The following SGCZ variants were observed in gnomAD, a reference collection of about 807,000 sequenced individuals.
The protein encoded by SGCZ is zeta-sarcoglycan.
SGCZ carries 40 observed loss-of-function variants against 41.3 expected under a neutral mutation model. The ratio of observed to expected loss-of-function variants is 0.97; its 90% CI spans 0.75 to 1.26. The LOEUF (loss-of-function observed/expected upper bound fraction) is 1.26, where lower values mean the gene tolerates loss of function less well. Among genes scored for constraint, SGCZ ranks in the 50% most tolerant of loss-of-function variants. The pLI, the probability that SGCZ is intolerant of heterozygous loss-of-function variation, is 0.00. For missense variants in SGCZ, 552 were observed against 369.8 expected, an observed-to-expected ratio of 1.49 and a Z score of -4.04; for synonymous variants, 206 against 137.5, an observed-to-expected ratio of 1.50 and a Z score of -3.49.
At chr8:14,489,866 C>CATT (rs142314868) in intron 2 of SGCZ, among the ~76,000 whole-genome samples, 1 of 137,480 alleles carries the variant, frequency 7.3e-6, no homozygotes, top group Admixed American at 7.6e-5. Flanking sequence ...AATTCTCCTA[C>CATT]CTTTTTTTTT....
At chr8:14,798,669 A>G (rs1398036527) in intron 1 of SGCZ, among the ~76,000 whole-genome samples, 3 of 152,146 alleles carry the variant, frequency 2.0e-5, no homozygotes, top group South Asian at 2.1e-4. Flanking sequence ...TAAAATACTT[A>G]CATATTTTAA....
chr8:14,368,559 G>A (rs1462623350), intron 2 of SGCZ, among the ~76,000 whole-genome samples: 2 of 152,010 alleles, frequency 1.3e-5, no homozygotes, highest in Admixed American at 6.6e-5. Flanking sequence ...CTCTTGGAGG[G>A]ACGTTGTACA....
chr8:14,206,120 T>G (rs527765736), intron 4 of SGCZ, among the ~76,000 whole-genome samples: 2 of 152,244 alleles, frequency 1.3e-5, no homozygotes, highest in South Asian at 4.1e-4. Context: ...TACAAATAAT[T>G]TTTATGTTTC....
chr8:14,643,084 T>G (rs746102648), intron 1 of SGCZ, among the ~76,000 whole-genome samples: 1 of 151,672 alleles, frequency 6.6e-6, no homozygotes, highest in Admixed American at 6.6e-5. Flanking sequence ...ATGAAATATT[T>G]TCTTCTCCTT....
At chr8:14,114,167 C>G (rs920552283) in intron 5 of SGCZ, among the ~76,000 whole-genome samples, 1 of 151,936 alleles carries the variant, frequency 6.6e-6, no homozygotes, top group Non-Finnish European at 1.5e-5. Flanking sequence ...ATGGATTCTG[C>G]TACATAGTTA....
At chr8:14,717,330 T>C (rs914420918) in intron 1 of SGCZ, among the ~76,000 whole-genome samples, 1 of 152,148 alleles carries the variant, frequency 6.6e-6, no homozygotes, top group African/African-American at 2.4e-5. Context: ...CAGGAAGCCA[T>C]AAGTAAAATA....
chr8:14,965,937 C>T, intron 1 of SGCZ, among the ~76,000 whole-genome samples: 1 of 151,952 alleles, frequency 6.6e-6, no homozygotes, highest in East Asian at 1.9e-4. Flanking sequence ...GAAACCAAAA[C>T]TAAAATGGGA....
At position 14,246,165 on chromosome 8, in the gene SGCZ, G is replaced by C. The variant is rs567975696; in HGVS notation, c.337-8486C>G. ...ATGCACATGTATGTTTATTGCGGCT[G>C]TATTCACAATAGCAAAGACTTGGAA... On this transcript the variant is annotated intron_variant, in intron 3 of 7. Coordinates refer to ENST00000382080, the MANE Select transcript of SGCZ (RefSeq NM_139167.4). Among the ~76,000 whole-genome samples, 403 of 152,262 alleles carry C rather than the reference G, an allele frequency of 2.6e-3. 3 individuals are homozygous for C. The highest frequency in any genetic ancestry group is 4.4e-3 in the Non-Finnish European group (299 of 68,022).
At chr8:14,893,015 T>A (rs1361715256) in intron 1 of SGCZ, among the ~76,000 whole-genome samples, 1 of 152,178 alleles carries the variant, frequency 6.6e-6, no homozygotes, top group African/African-American at 2.4e-5. Context: ...ATGACAGACG[T>A]CTACATCCTA....
chr8:14,457,015 G>T (rs970893576), intron 2 of SGCZ, among the ~76,000 whole-genome samples: 2 of 152,118 alleles, frequency 1.3e-5, no homozygotes, highest in African/African-American at 4.8e-5. Flanking sequence ...GGCTGTGGGC[G>T]ACAAGCCACC....
chr8:14,708,777 T>A (rs117640853), intron 1 of SGCZ, among the ~76,000 whole-genome samples: 3,758 of 151,590 alleles, frequency 0.025, 70 homozygotes, highest in Non-Finnish European at 0.04. Context: ...TGATATGGCT[T>A]CAGTAAGAAC....
rs912881602 is a variant in SGCZ at position 14,127,480 on chromosome 8, G to C, written c.548-19245C>G. ...TCTATTTATTTATTTTTTTGATACT[G>C]AGTCTCACTGTGTCACCCAGGCTGG... On this transcript the variant is annotated intron_variant, in intron 5 of 7. Coordinates refer to ENST00000382080, the MANE Select transcript of SGCZ (RefSeq NM_139167.4). Among the ~76,000 whole-genome samples, 30 of 151,824 alleles carry C rather than the reference G, an allele frequency of 2.0e-4. 1 individual carries two copies. Among genetic ancestry groups the C allele is most frequent in the African/African-American group, 7.0e-4 (29 of 41,360 alleles).
At chr8:14,230,852 A>G (rs973706540) in intron 4 of SGCZ, among the ~76,000 whole-genome samples, 1 of 151,746 alleles carries the variant, frequency 6.6e-6, no homozygotes, top group Non-Finnish European at 1.5e-5. Flanking sequence ...GCAATTTTGG[A>G]ATAACTTAAA....
intron 2 of SGCZ, among the ~76,000 whole-genome samples, chr8:14,415,148 T>C (rs1292457736): frequency 6.6e-6 from 1 of 151,916 alleles, no homozygotes; most frequent in Non-Finnish European, 1.5e-5. Flanking sequence ...CCTTGATTCA[T>C]TGGGTCCTTT....
intron 1 of SGCZ, among the ~76,000 whole-genome samples, chr8:14,568,947 T>A (rs1804467434): frequency 1.3e-5 from 2 of 152,158 alleles, no homozygotes; most frequent in Non-Finnish European, 2.9e-5. Context: ...TGTATTTGAG[T>A]CAAAATATTC....
chr8:15,112,492 A>G (rs1172341556), intron 1 of SGCZ, among the ~76,000 whole-genome samples: 1 of 152,194 alleles, frequency 6.6e-6, no homozygotes, highest in African/African-American at 2.4e-5. Flanking sequence ...ATCTCTTCCT[A>G]TTGAGACATA....
At chr8:14,317,003 T>A (rs1801741193) in intron 3 of SGCZ, among the ~76,000 whole-genome samples, 1 of 151,906 alleles carries the variant, frequency 6.6e-6, no homozygotes, top group South Asian at 2.1e-4. Context: ...TGGCAATTGC[T>A]CAGACCAAAA....
chr8:15,068,138 A>G (rs1223674354), intron 1 of SGCZ, among the ~76,000 whole-genome samples: 6 of 152,196 alleles, frequency 3.9e-5, no homozygotes, highest in Non-Finnish European at 8.8e-5. Context: ...AAACTCTTAT[A>G]AGGAAAGTTG....
intron 2 of SGCZ, among the ~76,000 whole-genome samples, chr8:14,523,008 T>C (rs1459642224): frequency 1.3e-5 from 2 of 151,940 alleles, no homozygotes; most frequent in African/African-American, 4.8e-5. Context: ...GAAAACTATA[T>C]ACAGAACTTA....
Sources: allele counts gnomAD v4.1 joint callset (sites outside exome capture counted in the v4.1 genomes callset), GRCh38; gene constraint gnomAD v4.1.1; transcripts MANE v1.5; gene names NCBI Gene and HGNC (gene_info 2026-07-23, HGNC 2026-07-21).